Variants in NRXN3 observed in about 807,000 individuals in gnomAD.
NRXN3 encodes the protein neurexin III.
In NRXN3, 32 loss-of-function variants were observed where a neutral mutation model predicts 137.6. The ratio of observed to expected loss-of-function variants is 0.23; its 90% confidence interval spans 0.18 to 0.31. NRXN3 has a LOEUF of 0.31. Ranked by LOEUF, NRXN3 falls within the 10% of genes least tolerant of loss-of-function variation. The pLI, the probability that NRXN3 is intolerant of heterozygous loss-of-function variation, is 1.00. For synonymous variants in NRXN3, 798 were observed against 784.5 expected (o/e 1.02, Z -0.29); for missense variants, 1,574 against 2,062.5 (o/e 0.76, Z 4.59).
At position 79,864,051 on chromosome 14, in the gene NRXN3, G is replaced by A. The variant is rs1477762361; in HGVS notation, c.*2087G>A. ...GACAGGATTATAAAGAGATATCAAA[G>A]CACGATTTTAGATAACCTAAACGGC... On this transcript the variant is annotated 3_prime_UTR_variant, in exon 21 of 21. Transcript: ENST00000335750. 7 of 152,490 alleles carry A rather than the reference G, an allele frequency of 4.6e-5. 1 individual carries two copies. The South Asian group carries it at 1.5e-3, about 32-fold the overall frequency. 9.4% of individuals were successfully genotyped at this position (152,490 alleles called of 1,614,324 possible).
At chr14:79,247,648 T>C (rs761510026) in intron 15 of NRXN3, among the ~76,000 whole-genome samples, 26 of 152,152 alleles carry the variant, frequency 1.7e-4, no homozygotes, top group African/African-American at 6.3e-4. Flanking sequence ...AGCCAAAAGC[T>C]AGGTAGTTGT....
chr14:79,462,775 C>G (rs1316976647), intron 15 of NRXN3, among the ~76,000 whole-genome samples: 8 of 148,494 alleles, frequency 5.4e-5, no homozygotes, highest in African/African-American at 2.1e-4. Flanking sequence ...TTAACTGAAC[C>G]TTTTTTGTTT....
chr14:78,843,304 A>C (rs1158941843), intron 10 of NRXN3, among the ~76,000 whole-genome samples: 1 of 152,058 alleles, frequency 6.6e-6, no homozygotes, highest in Non-Finnish European at 1.5e-5. Context: ...ACAATTTATC[A>C]TCTGTTTGGG....
At chr14:79,098,138 T>A (rs1425719427) in intron 15 of NRXN3, among the ~76,000 whole-genome samples, 1 of 152,120 alleles carries the variant, frequency 6.6e-6, no homozygotes, top group East Asian at 1.9e-4. Flanking sequence ...TTGGCTAGGA[T>A]TTAAAATGCT....
In NRXN3 at chr14:78,709,273, G is replaced by A. The variant is rs201310991; in HGVS notation, c.1278G>A (p.Ala426=). The stretch of plus-strand genomic sequence containing the variant: ...AGCTGTCTCGCCTGGCCCGGATTGC[G>A]GACACCAAGATGAAAATCTATGGCG... The part of the protein sequence containing the change: ...RLELSRLARI[A]DTKMKIYGEV... Residue 426 remains alanine (A), a synonymous_variant, in exon 7 of 21, where the codon GCG becomes GCA. Coordinates refer to ENST00000335750, the MANE Select transcript of NRXN3 (RefSeq NM_001330195.2). 222 of 1,614,042 alleles carry A rather than the reference G, an allele frequency of 1.4e-4. 1 individual carries two copies. The highest frequency in any genetic ancestry group is 1.1e-3 in the South Asian group (98 of 91,074).
At chr14:79,341,866 CA>C (rs1325535540) in intron 15 of NRXN3, among the ~76,000 whole-genome samples, 1 of 152,050 alleles carries the variant, frequency 6.6e-6, no homozygotes, top group African/African-American at 2.4e-5. Context: ...CAAAACAAAG[CA>C]AAAAGGGCAA....
intron 16 of NRXN3, among the ~76,000 whole-genome samples, chr14:79,604,566 A>C (rs1490568402): frequency 2.0e-5 from 3 of 150,248 alleles, no homozygotes; most frequent in African/African-American, 7.4e-5. Context: ...TACTTTACTC[A>C]TACTCTCCAA....
chr14:79,471,745 A>G (rs1600789133), intron 16 of NRXN3, among the ~76,000 whole-genome samples: 1 of 152,118 alleles, frequency 6.6e-6, no homozygotes, highest in African/African-American at 2.4e-5. Flanking sequence ...CTTGGGCAAA[A>G]TGAAGGCATT....
At chr14:79,691,691 C>A (rs2098717255) in intron 17 of NRXN3, among the ~76,000 whole-genome samples, 1 of 151,972 alleles carries the variant, frequency 6.6e-6, no homozygotes, top group Non-Finnish European at 1.5e-5. Context: ...CTGTTGCAAA[C>A]ACTTGAGAGG....
At chr14:79,382,192 C>T (rs527967092) in intron 15 of NRXN3, among the ~76,000 whole-genome samples, 2 of 152,176 alleles carry the variant, frequency 1.3e-5, no homozygotes, top group South Asian at 4.1e-4. Context: ...AGCAGTCAAT[C>T]CCTTGTAAAA....
chr14:78,234,834 A>G (rs999642168), intron 1 of NRXN3, among the ~76,000 whole-genome samples: 7 of 151,820 alleles, frequency 4.6e-5, no homozygotes, highest in African/African-American at 1.7e-4. Context: ...TTCATTCACT[A>G]TCTTTCAGCT....
At chr14:79,197,994 A>C (rs546197708) in intron 15 of NRXN3, among the ~76,000 whole-genome samples, 1 of 152,218 alleles carries the variant, frequency 6.6e-6, no homozygotes, top group South Asian at 2.1e-4. Flanking sequence ...TGAAGAAACT[A>C]CTCTTTGCTC....
chr14:78,286,331 T>A lies in NRXN3; in HGVS notation c.727+7669T>A, dbSNP rs376794189. On this transcript the variant is annotated intron_variant, in intron 3 of 20. Transcript: ENST00000335750. ...ATTCAAAGTTTTGTGCTGCTCAAAA[T>A]GTCATTGATGAGACCATTGCGAGAC... 5.9e-5 allele frequency among the ~76,000 whole-genome samples: 9 copies of A among 152,200 alleles called. No homozygotes were observed. The East Asian group carries it at 1.5e-3, about 26-fold the overall frequency.
chr14:79,392,300 C>T (rs1331511526), intron 15 of NRXN3, among the ~76,000 whole-genome samples: 2 of 152,146 alleles, frequency 1.3e-5, no homozygotes, highest in Non-Finnish European at 2.9e-5. Context: ...CAGCTTCATC[C>T]ATGTCCCTGC....
In NRXN3 at chr14:78,526,762, A is replaced by G. The variant is rs79346495; in HGVS notation, c.758-118358A>G. ...AGGTAGGGATGATGACTATTTATAG[A>G]CAGGAAAGCTGAGTTGGACTAAGTG... On this transcript the variant is annotated intron_variant, in intron 4 of 20. Coordinates refer to ENST00000335750, the MANE Select transcript of NRXN3 (RefSeq NM_001330195.2). 82 of 518,062 alleles carry G rather than the reference A, an allele frequency of 1.6e-4. No individual in the cohort carries two copies. In the East Asian group the frequency reaches 1.8e-3, roughly 11 times the overall value. The allele number at this position is 518,062 out of a possible 1,614,324, so 32.1% of individuals were successfully genotyped here.
intron 10 of NRXN3, among the ~76,000 whole-genome samples, chr14:78,892,811 TG>T (rs771343888): frequency 2.0e-5 from 3 of 150,082 alleles, no homozygotes; most frequent in South Asian, 2.1e-4. Context: ...TGTGTGTGTG[TG>T]GTGTTTGCTA....
At chr14:78,891,977 G>A (rs1429542252) in intron 10 of NRXN3, among the ~76,000 whole-genome samples, 1 of 151,958 alleles carries the variant, frequency 6.6e-6, no homozygotes, top group African/African-American at 2.4e-5. Flanking sequence ...TTCCCAAGAA[G>A]CTTTATAAGG....
Position 78,714,904 on chromosome 14 carries a change from C to A in NRXN3, c.1809C>A (p.Leu603=). The change falls in exon 8 of 21, where the codon CTC becomes CTA. Residue 603 remains leucine (L), a synonymous_variant. Transcript: ENST00000335750. The stretch of plus-strand genomic sequence containing the variant: ...CCACCGAGCTGTGGACTGCCATGCT[C>A]AACTATGGCTACGTGGGCTGCATCC... The part of the protein sequence containing the change: ...ILPTELWTAM[L]NYGYVGCIRD... The A allele has an allele frequency of 6.2e-7, 1 of 1,614,140 alleles. No individual in the cohort carries two copies. Among genetic ancestry groups the A allele is most frequent in the Non-Finnish European group, 8.5e-7 (1 of 1,180,014 alleles).
chr14:78,916,974 C>A (rs1475468391), intron 10 of NRXN3, among the ~76,000 whole-genome samples: 1 of 152,134 alleles, frequency 6.6e-6, no homozygotes, highest in East Asian at 1.9e-4. Flanking sequence ...TATAAGGACG[C>A]CAGTCATATT....
Sources: gnomAD v4.1 joint callset for allele counts (sites outside exome capture counted in the v4.1 genomes callset) on GRCh38, gnomAD v4.1.1 for gene constraint, MANE v1.5 for transcripts, NCBI Gene and HGNC (gene_info 2026-07-23, HGNC 2026-07-21) for gene names.